Variants in PPP2R5C observed in about 807,000 individuals in gnomAD.
PPP2R5C encodes the protein protein phosphatase 2 regulatory subunit B'gamma, also known as serine/threonine-protein phosphatase 2A 56 kDa regulatory subunit gamma isoform.
A neutral mutation model predicts 68.9 loss-of-function variants in PPP2R5C; 7 were observed. The observed-to-expected ratio is 0.10, with a 90% CI of 0.06 to 0.19. The LOEUF is 0.19. Ranked by LOEUF, PPP2R5C falls within the 10% of genes least tolerant of loss-of-function variation. The pLI is 1.00. For synonymous variants in PPP2R5C, 210 were observed against 222.2 expected (o/e 0.95, Z 0.49); for missense variants, 348 against 641.3 (o/e 0.54, Z 4.94).
intron 3 of PPP2R5C, among the ~76,000 whole-genome samples, chr14:101,791,021 A>T (rs759648510): frequency 2.0e-5 from 3 of 151,902 alleles, no homozygotes; most frequent in Non-Finnish European, 4.4e-5. Context: ...TGGAGGTTGC[A>T]GTGAGCCGAG....
intron 5 of PPP2R5C, among the ~76,000 whole-genome samples, chr14:101,886,797 A>G (rs150823951): frequency 2.4e-3 from 359 of 152,182 alleles, no homozygotes; most frequent in Non-Finnish European, 4.1e-3. Flanking sequence ...GCTGTACTCC[A>G]TAGCTCACTG....
At chr14:101,760,718 G>C (rs2036451668), upstream of PPP2R5C, 1 of 947,036 alleles carries the variant, frequency 1.1e-6, no homozygotes, top group Non-Finnish European at 1.2e-6. Flanking sequence ...GCTGCGGAAA[G>C]CTGAGCTGGT....
chr14:101,854,606 A>T (rs1267447033), intron 1 of PPP2R5C, among the ~76,000 whole-genome samples: 3 of 152,140 alleles, frequency 2.0e-5, no homozygotes, highest in Non-Finnish European at 2.9e-5. Context: ...TCGGCACCAG[A>T]GGAAGCAGAG....
intron 5 of PPP2R5C, chr14:101,889,928 C>T (rs771844834): frequency 5.9e-6 from 3 of 504,902 alleles, no homozygotes; most frequent in South Asian, 1.6e-5. Context: ...TGCTCGTGGT[C>T]GAATCTGGTG....
intron 2 of PPP2R5C, among the ~76,000 whole-genome samples, chr14:101,872,978 T>G (rs1245203473): frequency 6.6e-6 from 1 of 152,082 alleles, no homozygotes; most frequent in South Asian, 2.1e-4. Flanking sequence ...TTTCTTCAAC[T>G]TCTTTAATCT....
At chr14:101,833,764 G>A (rs1271564252) in intron 1 of PPP2R5C, among the ~76,000 whole-genome samples, 1 of 152,102 alleles carries the variant, frequency 6.6e-6, no homozygotes, top group Non-Finnish European at 1.5e-5. Flanking sequence ...ATGACTAGGG[G>A]TTTTCACTTC....
chr14:101,889,891 G>A (rs905032422), intron 5 of PPP2R5C: 1 of 454,840 alleles, frequency 2.2e-6, no homozygotes. Context: ...GAACAGATGT[G>A]CGTGTGATCA....
intron 1 of PPP2R5C, among the ~76,000 whole-genome samples, chr14:101,836,905 T>C (rs2041139213): frequency 1.3e-5 from 2 of 152,220 alleles, no homozygotes; most frequent in Admixed American, 1.3e-4. Context: ...TAGGATGATA[T>C]AACTACCATG....
In PPP2R5C at chr14:101,891,633, C is replaced by G. The variant is rs2044933159; in HGVS notation, c.689+1337C>G. Reference sequence around the variant, plus strand: ...GTGTGCATAGGGCCGCCGGGCAGCTCCCGCCGAGAGGCTGATTAGTTTTAT... The same window carrying G: ...GTGTGCATAGGGCCGCCGGGCAGCTGCCGCCGAGAGGCTGATTAGTTTTAT... On this transcript the variant is annotated intron_variant, in intron 6 of 13. Transcript: ENST00000334743. The surrounding 1 kb of genome is among the most constrained non-coding windows in gnomAD (Gnocchi z 4.9). Among the ~76,000 whole-genome samples, 1 of 152,164 alleles carries G rather than the reference C, an allele frequency of 6.6e-6. No homozygotes were observed. The highest frequency in any genetic ancestry group is 6.5e-5 in the Admixed American group (1 of 15,280).
chr14:101,872,872 A>G (rs966420957), intron 2 of PPP2R5C, among the ~76,000 whole-genome samples: 1 of 150,382 alleles, frequency 6.6e-6, no homozygotes, highest in East Asian at 1.9e-4. Flanking sequence ...AGGGATCCCA[A>G]TAACGTGTAT....
rs780315944 is a variant in PPP2R5C at position 101,917,810 on chromosome 14, A to G, written c.1327-21A>G. The G allele has an allele frequency of 5.0e-6, 8 of 1,612,566 alleles. No homozygotes were observed. The Admixed American group carries it at 5.0e-5, about 10-fold the overall frequency. ...CAGAGCCTGGGCACCTAACAGAGCG[A>G]CTCCACGCTTTGCATTGCAGTACAC... On this transcript the variant is annotated intron_variant, in intron 12 of 13. Coordinates refer to ENST00000334743, the Ensembl canonical transcript of PPP2R5C. The surrounding 1 kb of genome is among the most constrained non-coding windows in gnomAD (Gnocchi z 4.4).
chr14:101,898,859 G>T (rs576971023), intron 8 of PPP2R5C, among the ~76,000 whole-genome samples: 1 of 152,306 alleles, frequency 6.6e-6, no homozygotes, highest in Non-Finnish European at 1.5e-5. Flanking sequence ...AGGCCATTTT[G>T]TCTTATTTCA....
At chr14:101,840,475 C>A (rs979213148) in intron 1 of PPP2R5C, among the ~76,000 whole-genome samples, 2 of 141,148 alleles carry the variant, frequency 1.4e-5, no homozygotes, top group Non-Finnish European at 3.1e-5. Flanking sequence ...CCTGCTCCCC[C>A]CACCACCAAA....
intron 1 of PPP2R5C, among the ~76,000 whole-genome samples, chr14:101,849,409 G>A (rs766123409): frequency 1.3e-5 from 2 of 152,162 alleles, no homozygotes; most frequent in African/African-American, 4.8e-5. Flanking sequence ...GTTTTAATTT[G>A]CATTTCTCTG....
chr14:101,836,302 A>G (rs961649664), intron 1 of PPP2R5C: 29 of 702,800 alleles, frequency 4.1e-5, no homozygotes, highest in Non-Finnish European at 6.5e-5. Flanking sequence ...GCATGGACGG[A>G]GCTGCCAGCC....
At chr14:101,808,889 C>A (rs1299284815), upstream of PPP2R5C, among the ~76,000 whole-genome samples, 1 of 152,172 alleles carries the variant, frequency 6.6e-6, no homozygotes, top group Non-Finnish European at 1.5e-5. Flanking sequence ...AATCATCTCA[C>A]CGCACCCCCT....
In PPP2R5C at chr14:101,882,841, C is replaced by T. The variant is rs1338170774; in HGVS notation, c.406-416C>T. ...GATTCTGGGTCCACATCTTAGGGCC[C>T]TCTTACCTGGCAGCCCCAGAGTTCC... is the stretch of plus-strand genomic sequence containing the variant. On this transcript the variant is annotated intron_variant, in intron 3 of 13. Coordinates refer to ENST00000334743, the Ensembl canonical transcript of PPP2R5C. This position sits in a 1 kb window ranked among gnomAD's most constrained non-coding sequence, Gnocchi z 4.9. The T allele has an allele frequency of 5.8e-6, 1 of 171,540 alleles. No individual in the cohort carries two copies. The highest frequency in any genetic ancestry group is 1.2e-5 in the Non-Finnish European group (1 of 81,356). 10.6% of individuals were successfully genotyped at this position (171,540 alleles called of 1,614,324 possible). A position where few individuals can be genotyped will look rare whatever the true frequency, so the allele number is the denominator to read the frequency against.
In PPP2R5C at chr14:101,879,890, G is replaced by C. The variant is rs545958806; in HGVS notation, c.295-2271G>C. ...AGTGGCTGCTAATGACAGGACCCTG[G>C]GAGGACATGGCGGCCTGCCCAAAGT... On this transcript the variant is annotated intron_variant, in intron 2 of 13. Transcript: ENST00000334743. The surrounding 1 kb of genome is among the most constrained non-coding windows in gnomAD (Gnocchi z 4.2). Among the ~76,000 whole-genome samples, 52 of 152,354 alleles carry C rather than the reference G, an allele frequency of 3.4e-4. No individual in the cohort carries two copies. The South Asian group carries it at 0.011, about 31-fold the overall frequency.
chr14:101,883,000 T>C lies in PPP2R5C; in HGVS notation c.406-257T>C, dbSNP rs866891817. 5 of 403,954 alleles carry C rather than the reference T, an allele frequency of 1.2e-5. No individual in the cohort carries two copies. The South Asian group carries it at 1.3e-4, about 10-fold the overall frequency. The allele number at this position is 403,954 out of a possible 1,614,324, so 25.0% of individuals were successfully genotyped here. ...CCTGTAGTCCCTGAACAGTGTACTA[T>C]AACTGATGACATCAGCCATGGAGAT... On this transcript the variant is annotated intron_variant, in intron 3 of 13. Transcript: ENST00000334743. The surrounding 1 kb of genome is among the most constrained non-coding windows in gnomAD (Gnocchi z 4.9).
Sources: gnomAD v4.1 joint callset for allele counts (sites outside exome capture counted in the v4.1 genomes callset) on GRCh38, gnomAD v4.1.1 for gene constraint, Gnocchi (gnomAD v3.1) non-coding constraint, MANE v1.5 for transcripts, NCBI Gene and HGNC (gene_info 2026-07-23, HGNC 2026-07-21) for gene names.